The following NUCB1 variants were observed in gnomAD, a reference collection of about 807,000 sequenced individuals.
NUCB1 encodes nucleobindin 1.
A neutral mutation model predicts 61.2 loss-of-function variants in NUCB1; 47 were observed. The ratio of observed to expected loss-of-function variants is 0.77; its 90% confidence interval spans 0.61 to 0.98. The LOEUF (loss-of-function observed/expected upper bound fraction) is 0.98. Ranked by LOEUF, NUCB1 falls within the 50% of genes least tolerant of loss-of-function variation. NUCB1 has a pLI of 0.00. For missense variants in NUCB1, 583 were observed against 605.3 expected (o/e 0.96, Z 0.39); for synonymous variants, 234 against 243.1 (o/e 0.96, Z 0.35).
Position 48,913,186 on chromosome 19 carries a change from T to C in NUCB1, c.656T>C (p.Val219Ala). The C allele has an allele frequency of 6.2e-7, 1 of 1,611,930 alleles. No homozygotes were observed. The highest frequency in any genetic ancestry group is 1.3e-5 in the African/African-American group (1 of 74,862). ...QQRRHREHPK[V>A]NVPGSQAQLK... ...CGCCGGCACCGCGAGCACCCTAAAG[T>C]CAACGTGCCTGTGAGGACCCCATTT... Residue 219 changes from valine to alanine, a missense_variant, in exon 6 of 13, where the codon GTC becomes GCC. Coordinates refer to ENST00000405315, the MANE Select transcript of NUCB1 (RefSeq NM_006184.6).
At position 48,919,286 on chromosome 19, in the gene NUCB1, G is replaced by A. The variant is rs1416052496; in HGVS notation, c.1002G>A (p.Glu334=). 1.9e-6 allele frequency: 3 copies of A among 1,611,732 alleles called. No homozygotes were observed. In the South Asian group the frequency reaches 3.3e-5, roughly 18 times the overall value. ...KEFGDTGEGW[E]TVEMHPAYTE... is the part of the protein sequence containing the mutation. ...TTGGGGACACCGGGGAGGGCTGGGA[G>A]GTGAGAACATGGGGGATACTCGGGG... The change falls in exon 10 of 13, where the codon GAG becomes GAA. Residue 334 remains glutamate, a splice_region_variant and synonymous_variant. Transcript: ENST00000405315.
At chr19:48,900,520 T>C in intron 1 of NUCB1, 148 bp downstream of exon 1, 1 of 538,518 alleles carries the variant, frequency 1.9e-6, no homozygotes, top group Non-Finnish European at 3.3e-6. Context: ...CTCTTGGGTC[T>C]GGGGGAGGAG....
chr19:48,920,172 G>A (rs973121606), intron 10 of NUCB1, among the ~76,000 whole-genome samples: 2 of 152,010 alleles, frequency 1.3e-5, no homozygotes, highest in African/African-American at 4.8e-5. Context: ...GCCTCCCAAA[G>A]TGCTGGGATT....
chr19:48,909,944 A>G (rs1158940310), intron 4 of NUCB1, among the ~76,000 whole-genome samples: 1 of 152,110 alleles, frequency 6.6e-6, no homozygotes, highest in Non-Finnish European at 1.5e-5. Flanking sequence ...TAGTCTCCAA[A>G]TCAGGTCACA....
chr19:48,913,242 C>A lies in NUCB1; in HGVS notation c.666+46C>A. ...CATCCACTCCCTACCACATCCAGTT[C>A]AAACGCAAGACAAGAAAGCAGTTAA... On this transcript the variant is annotated intron_variant, in intron 6 of 12. Coordinates refer to ENST00000405315, the MANE Select transcript of NUCB1 (RefSeq NM_006184.6). 4 of 1,547,404 alleles carry A rather than the reference C, an allele frequency of 2.6e-6. No homozygotes were observed. The South Asian group carries it at 3.6e-5, about 14-fold the overall frequency.
chr19:48,908,041 G>A (rs1013487034), intron 4 of NUCB1, among the ~76,000 whole-genome samples: 2 of 152,186 alleles, frequency 1.3e-5, no homozygotes, highest in African/African-American at 4.8e-5. Context: ...GAGCCTCTGT[G>A]TTATTTGTGT....
chr19:48,908,943 C>A (rs1411432927), intron 4 of NUCB1, among the ~76,000 whole-genome samples: 2 of 152,058 alleles, frequency 1.3e-5, no homozygotes, highest in African/African-American at 4.8e-5. Context: ...CCCTTCCTGA[C>A]TACTTGGAAA....
chr19:48,914,754 T>G (rs1333489146), intron 7 of NUCB1, among the ~76,000 whole-genome samples: 1 of 151,516 alleles, frequency 6.6e-6, no homozygotes, highest in Non-Finnish European at 1.5e-5. Context: ...AAGACCAGCC[T>G]GGACAACAAA....
At chr19:48,921,997 G>A in intron 12 of NUCB1, 65 bp downstream of exon 12, 2 of 1,290,478 alleles carry the variant, frequency 1.5e-6, no homozygotes, top group Non-Finnish European at 2.2e-6. Flanking sequence ...GGTTGGAGGG[G>A]CTGGGCCTGG....
chr19:48,916,321 T>C (rs1398924741), intron 7 of NUCB1, among the ~76,000 whole-genome samples: 1 of 152,102 alleles, frequency 6.6e-6, no homozygotes, highest in Non-Finnish European at 1.5e-5. Context: ...AGCACAGCTC[T>C]AGAGAGGACA....
Position 48,922,529 on chromosome 19 carries a change from G to C in NUCB1, c.*105G>C. 1 of 916,124 alleles carries C rather than the reference G, an allele frequency of 1.1e-6. No homozygotes were observed. Among genetic ancestry groups the C allele is most frequent in the Admixed American group, 2.1e-5 (1 of 48,056 alleles). 56.7% of individuals were successfully genotyped at this position (916,124 alleles called of 1,614,324 possible). On this transcript the variant is annotated 3_prime_UTR_variant, in exon 13 of 13. Transcript: ENST00000405315. Reference sequence around the variant, plus strand: ...TCCCTGGGGGCTGGTGTCATGTTGGGCTCCTGGGGCGGGGGCACGGCCTGG... The same window carrying C: ...TCCCTGGGGGCTGGTGTCATGTTGGCCTCCTGGGGCGGGGGCACGGCCTGG...
intron 6 of NUCB1, 35 bp downstream of exon 6, chr19:48,913,231 C>G: frequency 6.4e-7 from 1 of 1,572,482 alleles, no homozygotes; most frequent in East Asian, 2.2e-5. Flanking sequence ...CACTCCCTAC[C>G]ACATCCAGTT....
intron 3 of NUCB1, 59 bp from the exon 4 acceptor site, chr19:48,905,694 G>T (rs543890329): frequency 1.2e-6 from 2 of 1,603,090 alleles, no homozygotes; most frequent in East Asian, 4.5e-5. Context: ...CTTATAAGAA[G>T]CTTCCAGAGA....
chr19:48,920,549 GT>G (rs1386762168), intron 10 of NUCB1, among the ~76,000 whole-genome samples: 1 of 151,850 alleles, frequency 6.6e-6, no homozygotes, highest in Admixed American at 6.6e-5. Context: ...TCAATACAGA[GT>G]TTTGCTCTTG....
In NUCB1 at chr19:48,908,681, G is replaced by GTA. The variant is rs1490113663; in HGVS notation, c.377-2467_377-2466insAT. On this transcript the variant is annotated intron_variant, in intron 4 of 12. Transcript: ENST00000405315. Reference sequence around the variant, plus strand: ...TGTGTGTGTGTGTGTGTGTGTGTGTGTGTGTGTGTGTGTGTGTCTTTCTGC... The same window carrying GTA: ...TGTGTGTGTGTGTGTGTGTGTGTGTGTATGTGTGTGTGTGTGTGTCTTTCTGC... Among the ~76,000 whole-genome samples, 4 of 146,906 alleles carry GTA rather than the reference G, an allele frequency of 2.7e-5. 1 individual carries two copies. Among genetic ancestry groups the GTA allele is most frequent in the South Asian group, 4.4e-4 (2 of 4,586 alleles).
At chr19:48,918,971 T>C in intron 8 of NUCB1, 59 bp from the exon 9 acceptor site, 1 of 1,544,252 alleles carries the variant, frequency 6.5e-7, no homozygotes, top group Non-Finnish European at 8.9e-7. Context: ...GTTGAAGTTG[T>C]CGGGAATGAG....
chr19:48,920,385 G>A (rs1242736513), intron 10 of NUCB1, among the ~76,000 whole-genome samples: 1 of 152,100 alleles, frequency 6.6e-6, no homozygotes, highest in Non-Finnish European at 1.5e-5. Flanking sequence ...GGAGTGCAGT[G>A]GTGTAATCAT....
intron 5 of NUCB1, among the ~76,000 whole-genome samples, chr19:48,912,151 A>G (rs2037481315): frequency 6.6e-6 from 1 of 151,196 alleles, no homozygotes; most frequent in South Asian, 2.1e-4. Flanking sequence ...GACCCTCCTG[A>G]GTAGCTGGGA....
chr19:48,919,432 T>C, intron 10 of NUCB1, 146 bp downstream of exon 10: 2 of 531,910 alleles, frequency 3.8e-6, no homozygotes, highest in South Asian at 5.6e-5. Context: ...GGGTCTCTGT[T>C]TTCCCCTGTC....
Sources: allele counts gnomAD v4.1 joint callset (sites outside exome capture counted in the v4.1 genomes callset), GRCh38; gene constraint gnomAD v4.1.1; transcripts MANE v1.5; gene names NCBI Gene and HGNC (gene_info 2026-07-23, HGNC 2026-07-21).